Variants in TASOR2 observed in about 807,000 individuals in gnomAD.
TASOR2 encodes the protein protein TASOR 2.
Under a neutral mutation model 199.5 loss-of-function variants are expected in TASOR2, and 84 were observed. The ratio of observed to expected loss-of-function variants is 0.42; its 90% confidence interval spans 0.35 to 0.50. The LOEUF is 0.50. Among genes scored for constraint, TASOR2 ranks in the 20% least tolerant of loss-of-function variants. The pLI, the probability that TASOR2 is intolerant of heterozygous loss-of-function variation, is 0.02. For synonymous variants in TASOR2, 1,103 were observed against 1,046.6 expected, an observed-to-expected ratio of 1.05 and a Z score of -1.04; for missense variants, 2,796 against 2,835.9, an observed-to-expected ratio of 0.99 and a Z score of 0.32.
At chr10:5,708,536 C>A (rs983674739) in intron 1 of TASOR2, among the ~76,000 whole-genome samples, 1 of 149,218 alleles carries the variant, frequency 6.7e-6, no homozygotes, top group Non-Finnish European at 1.5e-5. Context: ...TCTTTCTTTC[C>A]TTTCTTTCTC....
intron 3 of TASOR2, among the ~76,000 whole-genome samples, chr10:5,718,457 G>A (rs567070762): frequency 2.6e-5 from 4 of 151,492 alleles, no homozygotes; most frequent in South Asian, 2.1e-4. Context: ...TCAAAAAAGC[G>A]GAGGGAGAGG....
chr10:5,747,793 C>T, exon 15 of TASOR2: 1 of 1,613,870 alleles, frequency 6.2e-7, no homozygotes, highest in South Asian at 1.1e-5. Context: ...TTTTGTTGGT[C>T]CTACCCATCC....
intron 17 of TASOR2, among the ~76,000 whole-genome samples, chr10:5,758,547 G>C (rs978806999): frequency 6.6e-6 from 1 of 152,120 alleles, no homozygotes; most frequent in African/African-American, 2.4e-5. Context: ...AAAAAAAAAG[G>C]ATTCTGTATT....
At position 5,717,756 on chromosome 10, in the gene TASOR2, G is replaced by A; in HGVS notation, c.-100+6G>A. The A allele has an allele frequency of 9.6e-7, 1 of 1,036,918 alleles. No homozygotes were observed. The highest frequency in any genetic ancestry group is 1.2e-6 in the Non-Finnish European group (1 of 809,966). The allele number at this position is 1,036,918 out of a possible 1,614,324, so 64.2% of individuals were successfully genotyped here. A position where few individuals can be genotyped will look rare whatever the true frequency, so the allele number is the denominator to read the frequency against. ...TAATTTTTAATATAATTAAGGTAAA[G>A]CTTAAATGTGCTGTTACGTGATTTC... On this transcript the variant is annotated splice_donor_region_variant and intron_variant, in intron 3 of 20. Transcript: ENST00000328090.
In TASOR2 at chr10:5,722,730, G is replaced by T. The variant is rs763502742; in HGVS notation, c.147-947G>T. ...GTTTTTAAAAAGGAAACAGAGTGCC[G>T]GGCACAGTGGCTTACACCTGTAGTC... On this transcript the variant is annotated intron_variant, in intron 6 of 20. Coordinates refer to ENST00000328090, the Ensembl canonical transcript of TASOR2. This position sits in a 1 kb window ranked among gnomAD's most constrained non-coding sequence, Gnocchi z 4.0. 4.6e-5 allele frequency among the ~76,000 whole-genome samples: 7 copies of T among 151,736 alleles called. No individual in the cohort carries two copies. Among genetic ancestry groups the T allele is most frequent in the African/African-American group, 9.7e-5 (4 of 41,298 alleles).
chr10:5,728,150 C>T (rs895637766), intron 10 of TASOR2, among the ~76,000 whole-genome samples: 7 of 149,690 alleles, frequency 4.7e-5, no homozygotes, highest in Admixed American at 6.7e-5. Context: ...GAGCCCGAGA[C>T]GTGGAGGTTG....
intron 1 of TASOR2, among the ~76,000 whole-genome samples, chr10:5,695,187 C>T (rs1836998248): frequency 6.6e-6 from 1 of 152,116 alleles, no homozygotes; most frequent in Non-Finnish European, 1.5e-5. Flanking sequence ...ACACTATGTG[C>T]TAGGAATTGG....
intron 1 of TASOR2, among the ~76,000 whole-genome samples, chr10:5,708,735 T>A (rs1251759745): frequency 6.6e-6 from 1 of 150,998 alleles, no homozygotes; most frequent in Non-Finnish European, 1.5e-5. Flanking sequence ...ATGGTCTGGC[T>A]CTGTTACCCA....
intron 15 of TASOR2, among the ~76,000 whole-genome samples, chr10:5,755,046 CAAAAAAAAAAAA>C (rs34884255): frequency 9.6e-4 from 75 of 78,112 alleles, no homozygotes; most frequent in African/African-American, 2.1e-3. Context: ...ACTCTTGTCT[CAAAAAAAAAAAA>C]AAAAAAAAAA....
chr10:5,749,000 A>T lies in TASOR2; in HGVS notation c.5579A>T (p.Asp1860Val). ...AGAGGTAGTTACACCAGGAAAAAAG[A>T]TGTTCCCACAGATGGCTATGAGTCG... The change falls in exon 15 of 21, where the codon GAT (aspartate) becomes GTT (valine). Residue 1860 changes from aspartate (D) to valine (V), a missense_variant. Coordinates refer to ENST00000328090, the Ensembl canonical transcript of TASOR2. The surrounding 1 kb of genome is among the most constrained non-coding windows in gnomAD (Gnocchi z 5.1). 6.2e-7 allele frequency: 1 copy of T among 1,614,138 alleles called. No individual in the cohort carries two copies. Among genetic ancestry groups the T allele is most frequent in the Non-Finnish European group, 8.5e-7 (1 of 1,180,024 alleles).
chr10:5,735,377 T>TA lies in TASOR2; in HGVS notation c.1281dup (p.Asp428ArgfsTer9). ...GGAAAAACCAAGAAGCTCCTATTTCTAAAGATGTTCCAGTGCCAACAAATG... is the reference window on the plus strand; with the variant it reads ...GGAAAAACCAAGAAGCTCCTATTTCTAAAAGATGTTCCAGTGCCAACAAATG... On this transcript the variant is annotated frameshift_variant, in exon 12 of 21. Transcript: ENST00000328090. LOFTEE classifies it high-confidence loss of function. 1.2e-6 allele frequency: 2 copies of TA among 1,614,130 alleles called. No individual in the cohort carries two copies. The highest frequency in any genetic ancestry group is 1.7e-6 in the Non-Finnish European group (2 of 1,180,026).
rs1837479169 is a variant in TASOR2 at position 5,748,117 on chromosome 10, C to T, written c.4696C>T (p.His1566Tyr). 6.2e-7 allele frequency: 1 copy of T among 1,614,198 alleles called. No homozygotes were observed. Among genetic ancestry groups the T allele is most frequent in the East Asian group, 2.2e-5 (1 of 44,886 alleles). ...AGAGAATAGAAATTTGGACTTAAAA[C>T]ATCTTGTCTTGGAGTCCAGTGAACC... Residue 1566 changes from histidine to tyrosine, a missense_variant, in exon 15 of 21, where the codon CAT (histidine) becomes TAT (tyrosine). By Grantham distance (83) the His-to-Tyr change is moderately conservative (BLOSUM62 2). This residue lies in a region of TASOR2 where 1,941 missense variants were observed against 1,924.9 expected (regional missense o/e 1.01). Coordinates refer to ENST00000328090, the Ensembl canonical transcript of TASOR2. This position sits in a 1 kb window ranked among gnomAD's most constrained non-coding sequence, Gnocchi z 5.1.
At chr10:5,758,217 A>G (rs758583947) in intron 17 of TASOR2, among the ~76,000 whole-genome samples, 1 of 152,204 alleles carries the variant, frequency 6.6e-6, no homozygotes, top group Non-Finnish European at 1.5e-5. Flanking sequence ...CAAAAGCAGC[A>G]TGTACCTTAA....
At chr10:5,700,350 T>C (rs948663435) in intron 1 of TASOR2, among the ~76,000 whole-genome samples, 1 of 152,310 alleles carries the variant, frequency 6.6e-6, no homozygotes, top group East Asian at 1.9e-4. Flanking sequence ...ACACTGAGGT[T>C]GATTTTATAT....
intron 1 of TASOR2, among the ~76,000 whole-genome samples, chr10:5,692,439 C>T (rs1373512370): frequency 6.6e-6 from 1 of 152,080 alleles, no homozygotes; most frequent in Non-Finnish European, 1.5e-5. Flanking sequence ...AATACTAAAA[C>T]CATCCTCCTA....
At position 5,720,422 on chromosome 10, in the gene TASOR2, C is replaced by A; in HGVS notation, c.-99-122C>A. On this transcript the variant is annotated intron_variant, in intron 3 of 20. Transcript: ENST00000328090. This position sits in a 1 kb window ranked among gnomAD's most constrained non-coding sequence, Gnocchi z 5.3. ...GGTATAGTTACCTGTGAATGAGTAA[C>A]ACCCAAGATATATTTCTGACTCTAA... 2 of 1,401,998 alleles carry A rather than the reference C, an allele frequency of 1.4e-6. No individual in the cohort carries two copies. Among genetic ancestry groups the A allele is most frequent in the Non-Finnish European group, 1.8e-6 (2 of 1,084,148 alleles). The allele number at this position is 1,401,998 out of a possible 1,614,324, so 86.8% of individuals were successfully genotyped here.
At position 5,750,040 on chromosome 10, in the gene TASOR2, C is replaced by T; in HGVS notation, c.6606+13C>T. On this transcript the variant is annotated intron_variant, in intron 15 of 20. Transcript: ENST00000328090. The surrounding 1 kb of genome is among the most constrained non-coding windows in gnomAD (Gnocchi z 5.4). ...TGTAAGAACAAAGGTAAAGTGCCAG[C>T]CACGTCTTACGTATTATTTTAATTG... The T allele has an allele frequency of 6.4e-7, 1 of 1,569,988 alleles. No homozygotes were observed. Among genetic ancestry groups the T allele is most frequent in the Non-Finnish European group, 8.6e-7 (1 of 1,159,526 alleles).
Position 5,758,861 on chromosome 10 carries a change from C to G in TASOR2, c.6887-26C>G, listed in dbSNP as rs369636590. ...AAAAGTACCTTAAACTTGTCATCTT[C>G]TTTTGCTACATTTATTGTTTTGTAG... On this transcript the variant is annotated intron_variant, in intron 17 of 20. Transcript: ENST00000328090. 8 of 1,546,248 alleles carry G rather than the reference C, an allele frequency of 5.2e-6. No individual in the cohort carries two copies. In the African/African-American group the frequency reaches 8.2e-5, roughly 16 times the overall value.
intron 1 of TASOR2, among the ~76,000 whole-genome samples, chr10:5,688,305 G>A (rs185642291): frequency 4.0e-4 from 61 of 151,844 alleles, no homozygotes; most frequent in African/African-American, 1.5e-3. Flanking sequence ...GCTCACTACA[G>A]CCTCCAACTC....
Sources: gnomAD v4.1 joint callset for allele counts (sites outside exome capture counted in the v4.1 genomes callset) on GRCh38, gnomAD v4.1.1 for gene constraint, gnomAD v4.1.1 regional missense constraint, Gnocchi (gnomAD v3.1) non-coding constraint, MANE v1.5 for transcripts, NCBI Gene and HGNC (gene_info 2026-07-23, HGNC 2026-07-21) for gene names.